The following LUZP2 variants were observed in gnomAD, a reference collection of about 807,000 sequenced individuals.
LUZP2 encodes leucine zipper protein 2.
A neutral mutation model predicts 51.6 loss-of-function variants in LUZP2; 52 were observed. That is an observed-to-expected ratio of 1.01 (90% CI 0.81 to 1.27). LUZP2 has a LOEUF of 1.27. LUZP2 is among the 50% of genes most tolerant of loss of function. The pLI, the probability that LUZP2 is intolerant of heterozygous loss-of-function variation, is 0.00. For missense variants in LUZP2, 436 were observed against 395.4 expected, an observed-to-expected ratio of 1.10 and a Z score of -0.87; for synonymous variants, 154 against 137.3, an observed-to-expected ratio of 1.12 and a Z score of -0.85.
intron 9 of LUZP2, among the ~76,000 whole-genome samples, chr11:25,049,070 C>A (rs1032152978): frequency 6.6e-6 from 1 of 152,036 alleles, no homozygotes; most frequent in African/African-American, 2.4e-5. Context: ...ACGTACTTGC[C>A]TGTGAAAAAC....
chr11:25,023,599 A>AT (rs138980479), intron 9 of LUZP2, among the ~76,000 whole-genome samples: 4 of 151,552 alleles, frequency 2.6e-5, no homozygotes, highest in Admixed American at 6.6e-5. Flanking sequence ...GGATTCATTG[A>AT]TTTTTTTGAA....
At chr11:24,900,619 T>G (rs781088875) in intron 5 of LUZP2, among the ~76,000 whole-genome samples, 11 of 152,210 alleles carry the variant, frequency 7.2e-5, no homozygotes, top group Admixed American at 2.6e-4. Flanking sequence ...AGCTGATATG[T>G]TAAGCAGACT....
At chr11:24,988,023 A>G (rs1431025229) in intron 9 of LUZP2, among the ~76,000 whole-genome samples, 1 of 151,992 alleles carries the variant, frequency 6.6e-6, no homozygotes, top group African/African-American at 2.4e-5. Flanking sequence ...GAACATGAGT[A>G]AGATCCTTAT....
intron 9 of LUZP2, among the ~76,000 whole-genome samples, chr11:25,034,626 A>G (rs941373858): frequency 2.6e-5 from 4 of 152,134 alleles, no homozygotes; most frequent in Admixed American, 2.6e-4. Flanking sequence ...TCCAGCTTCA[A>G]TCTTCTACGT....
intron 1 of LUZP2, among the ~76,000 whole-genome samples, chr11:24,655,507 T>C (rs1369589116): frequency 6.6e-6 from 1 of 152,088 alleles, no homozygotes; most frequent in Non-Finnish European, 1.5e-5. Flanking sequence ...CATAATCTCT[T>C]TAGATTGTAG....
chr11:25,049,597 A>ATAT (rs1386472296), intron 9 of LUZP2, among the ~76,000 whole-genome samples: 1 of 152,138 alleles, frequency 6.6e-6, no homozygotes, highest in Non-Finnish European at 1.5e-5. Flanking sequence ...TCCACTATGT[A>ATAT]TATTATGAAG....
chr11:24,998,106 C>G (rs535967103), intron 9 of LUZP2, among the ~76,000 whole-genome samples: 203 of 152,190 alleles, frequency 1.3e-3, no homozygotes, highest in Middle Eastern at 6.8e-3. Context: ...GATGCGGGCT[C>G]TGTTTCGGTT....
intron 1 of LUZP2, among the ~76,000 whole-genome samples, chr11:24,612,156 G>A (rs1854144324): frequency 6.6e-6 from 1 of 152,100 alleles, no homozygotes; most frequent in Non-Finnish European, 1.5e-5. Flanking sequence ...ATTGACAGAT[G>A]TAATGATCAT....
intron 6 of LUZP2, among the ~76,000 whole-genome samples, chr11:24,914,241 C>T (rs768000038): frequency 3.3e-5 from 5 of 152,032 alleles, no homozygotes; most frequent in Admixed American, 1.3e-4. Context: ...GAACAATAAT[C>T]GACTTTCTTT....
At chr11:25,066,870 C>T (rs1859009633) in intron 10 of LUZP2, among the ~76,000 whole-genome samples, 1 of 151,906 alleles carries the variant, frequency 6.6e-6, no homozygotes, top group South Asian at 2.1e-4. Context: ...ACAGCTTACC[C>T]ACAAAAGGTT....
chr11:24,805,427 C>T (rs959184303), intron 5 of LUZP2, among the ~76,000 whole-genome samples: 2 of 152,118 alleles, frequency 1.3e-5, no homozygotes, highest in African/African-American at 4.8e-5. Flanking sequence ...GTTGGCCACG[C>T]TGGTCTCAAA....
At chr11:25,051,304 G>A (rs1858503566) in intron 10 of LUZP2, among the ~76,000 whole-genome samples, 1 of 150,828 alleles carries the variant, frequency 6.6e-6, no homozygotes, top group Non-Finnish European at 1.5e-5. Flanking sequence ...GCGACAGAGC[G>A]AGACTCCGTC....
intron 4 of LUZP2, among the ~76,000 whole-genome samples, chr11:24,745,757 A>C (rs778669482): frequency 6.6e-6 from 1 of 152,100 alleles, no homozygotes; most frequent in African/African-American, 2.4e-5. Context: ...GGCTCACTGC[A>C]ACCTCCACCT....
intron 1 of LUZP2, among the ~76,000 whole-genome samples, chr11:24,532,103 C>A (rs1436135266): frequency 6.6e-6 from 1 of 150,696 alleles, no homozygotes; most frequent in Non-Finnish European, 1.5e-5. Context: ...TCACTTTAAT[C>A]ATTATCAATA....
At chr11:25,059,980 G>T (rs1218926820) in intron 10 of LUZP2, among the ~76,000 whole-genome samples, 1 of 152,098 alleles carries the variant, frequency 6.6e-6, no homozygotes, top group Non-Finnish European at 1.5e-5. Context: ...CCTAATATGT[G>T]CAAGATATTC....
At chr11:24,517,083 G>C (rs1850488856) in intron 1 of LUZP2, among the ~76,000 whole-genome samples, 4 of 151,808 alleles carry the variant, frequency 2.6e-5, no homozygotes, top group Non-Finnish European at 5.9e-5. Context: ...TATTTTTTGT[G>C]TTCTAAGTTG....
intron 5 of LUZP2, among the ~76,000 whole-genome samples, chr11:24,850,319 C>T (rs573567763): frequency 6.0e-4 from 91 of 151,988 alleles, no homozygotes; most frequent in Non-Finnish European, 9.1e-4. Context: ...AAGGAAGGGG[C>T]CCAGTTTCAG....
chr11:25,077,450 G>T, intron 11 of LUZP2, 44 bp downstream of exon 11: 1 of 968,934 alleles, frequency 1.0e-6, no homozygotes, highest in South Asian at 1.7e-5. Flanking sequence ...AGCATTTATT[G>T]GATCCATTGT....
chr11:24,853,972 G>T (rs79792156), intron 5 of LUZP2, among the ~76,000 whole-genome samples: 1 of 152,160 alleles, frequency 6.6e-6, no homozygotes, highest in Non-Finnish European at 1.5e-5. Context: ...AAAGATTGCC[G>T]CCTGTTCCTC....
Sources: allele counts gnomAD v4.1 joint callset (sites outside exome capture counted in the v4.1 genomes callset), GRCh38; gene constraint gnomAD v4.1.1; transcripts MANE v1.5; gene names NCBI Gene and HGNC (gene_info 2026-07-23, HGNC 2026-07-21).